The following CEP83 variants were observed in gnomAD, a reference collection of about 807,000 sequenced individuals.
CEP83 encodes centrosomal protein of 83 kDa.
Under a neutral mutation model 101.9 loss-of-function variants are expected in CEP83, and 70 were observed. That is an observed-to-expected ratio of 0.69 (90% CI 0.57 to 0.84). CEP83 has a LOEUF of 0.84. Among genes scored for constraint, CEP83 ranks in the 40% least tolerant of loss-of-function variants. CEP83 has a pLI of 0.00. For missense variants in CEP83, 715 were observed against 787.2 expected (o/e 0.91, Z 1.10); for synonymous variants, 264 against 267.9 (o/e 0.99, Z 0.14).
intron 7 of CEP83, among the ~76,000 whole-genome samples, chr12:94,377,502 T>G (rs142842452): frequency 6.6e-6 from 1 of 152,300 alleles, no homozygotes; most frequent in Admixed American, 6.5e-5. Flanking sequence ...AAGGACTATA[T>G]TCGACAAACA....
chr12:94,389,303 T>C (rs910943471), intron 6 of CEP83, among the ~76,000 whole-genome samples: 1 of 152,212 alleles, frequency 6.6e-6, no homozygotes, highest in Non-Finnish European at 1.5e-5. Flanking sequence ...TAAAAGTATC[T>C]GTATATTTAT....
At chr12:94,318,676 G>T (rs564413162) in intron 14 of CEP83, among the ~76,000 whole-genome samples, 21 of 152,208 alleles carry the variant, frequency 1.4e-4, no homozygotes, top group African/African-American at 4.8e-4. Flanking sequence ...TAACCATGTG[G>T]TTTTTGTCTT....
At chr12:94,425,166 T>C (rs538523319) in intron 2 of CEP83, among the ~76,000 whole-genome samples, 8 of 152,154 alleles carry the variant, frequency 5.3e-5, no homozygotes, top group African/African-American at 1.9e-4. Flanking sequence ...GTTCAACTTT[T>C]ATGTAATAAA....
rs186867653 is a variant in CEP83 at position 94,357,410 on chromosome 12, G to A, written c.1343+10384C>T. Among the ~76,000 whole-genome samples the A allele has an allele frequency of 5.1e-4, 77 of 152,268 alleles. 1 individual carries two copies. The East Asian group carries it at 6.6e-3, about 13-fold the overall frequency. On this transcript the variant is annotated intron_variant, in intron 11 of 16. Transcript: ENST00000397809. The stretch of plus-strand genomic sequence containing the variant: ...ACCAGATAGGGGAAAAAAGAAAACT[G>A]TTGAGCCAGAAATATGTCCAAAATG...
chr12:94,423,619 A>C (rs1294148661), intron 2 of CEP83: 1 of 1,545,276 alleles, frequency 6.5e-7, no homozygotes, highest in African/African-American at 1.4e-5. Flanking sequence ...ACGATGGCTA[A>C]GTGTTAGTCC....
intron 1 of CEP83, among the ~76,000 whole-genome samples, chr12:94,452,144 A>G (rs1487807327): frequency 3.9e-5 from 6 of 152,190 alleles, no homozygotes; most frequent in African/African-American, 1.4e-4. Context: ...AGACAAATTT[A>G]TAGTGATAGA....
At chr12:94,345,616 T>C (rs2059899986) in intron 11 of CEP83, among the ~76,000 whole-genome samples, 2 of 152,146 alleles carry the variant, frequency 1.3e-5, no homozygotes, top group Admixed American at 1.3e-4. Flanking sequence ...CCCATCTTTC[T>C]GTCTTGGAAC....
At chr12:94,427,923 C>T (rs1201304040) in intron 2 of CEP83, among the ~76,000 whole-genome samples, 1 of 152,134 alleles carries the variant, frequency 6.6e-6, no homozygotes, top group Non-Finnish European at 1.5e-5. Context: ...GACGCCCTGC[C>T]AGAACCTGAA....
chr12:94,360,496 A>C (rs1215785055), intron 11 of CEP83, among the ~76,000 whole-genome samples: 1 of 151,986 alleles, frequency 6.6e-6, no homozygotes, highest in Non-Finnish European at 1.5e-5. Flanking sequence ...AAAAGAAAGA[A>C]ATCTTCTTTA....
the CEP83 span, among the ~76,000 whole-genome samples, chr12:94,284,028 A>G: frequency 2.7e-5 from 4 of 147,292 alleles, no homozygotes; most frequent in Admixed American, 7.1e-5. Flanking sequence ...GGTTGCAGTG[A>G]GCTGAGATGG....
intron 2 of CEP83, among the ~76,000 whole-genome samples, chr12:94,419,387 G>T (rs144111740): frequency 4.7e-4 from 71 of 152,120 alleles, no homozygotes; most frequent in Non-Finnish European, 8.5e-4. Context: ...ATATGGACTA[G>T]GTGTATGGAT....
At position 94,333,547 on chromosome 12, in the gene CEP83, C is replaced by T; in HGVS notation, c.1512G>A (p.Glu504=). ...AATTTCGGCATTCTTGTTTTAATCT[C>T]TCCACCATTTCCTTCAGCATTTGGT... The part of the protein sequence containing the change: ...NSNQMLKEMV[E]RLKQECRNFR... The change falls in exon 13 of 17, where the codon GAG becomes GAA. Residue 504 remains glutamate, a synonymous_variant. Coordinates refer to ENST00000397809, the MANE Select transcript of CEP83 (RefSeq NM_016122.3). 6.2e-7 allele frequency: 1 copy of T among 1,613,818 alleles called. No individual in the cohort carries two copies. Among genetic ancestry groups the T allele is most frequent in the Non-Finnish European group, 8.5e-7 (1 of 1,179,826 alleles).
At chr12:94,303,696 T>A, downstream of CEP83, 1 of 717,842 alleles carries the variant, frequency 1.4e-6, no homozygotes, top group Non-Finnish European at 1.9e-6. Flanking sequence ...CCTCCATCTT[T>A]TTTTTTTTTT....
chr12:94,335,955 T>C (rs2059430208), intron 11 of CEP83: 2 of 269,392 alleles, frequency 7.4e-6, no homozygotes, highest in East Asian at 8.6e-5. Flanking sequence ...AGGTAGGATT[T>C]TGATATACAT....
chr12:94,425,022 G>C lies in CEP83; in HGVS notation c.-102+10253C>G, dbSNP rs1326407685. The C allele has an allele frequency of 4.5e-6, 6 of 1,336,270 alleles. No individual in the cohort carries two copies. In the Admixed American group the frequency reaches 7.2e-5, roughly 16 times the overall value. 82.8% of individuals were successfully genotyped at this position (1,336,270 alleles called of 1,614,324 possible). On this transcript the variant is annotated intron_variant, in intron 2 of 16. Coordinates refer to ENST00000397809, the MANE Select transcript of CEP83 (RefSeq NM_016122.3). ...GAGAGAGAGAGAGAGAGAAAGGGAG[G>C]GGGTAAGAAAGACGGGGAGGGAGGG...
chr12:94,376,020 T>C lies in CEP83; in HGVS notation c.802-3A>G, dbSNP rs1357234750. On this transcript the variant is annotated splice_region_variant and splice_polypyrimidine_tract_variant and intron_variant, in intron 7 of 16. Transcript: ENST00000397809. Reference sequence around the variant, plus strand: ...AAATTAGCTGATTGTTTTTCAGCCTTTCATACAAACAAAATAGTTTAAAAT... The same window carrying C: ...AAATTAGCTGATTGTTTTTCAGCCTCTCATACAAACAAAATAGTTTAAAAT... 1 of 1,539,404 alleles carries C rather than the reference T, an allele frequency of 6.5e-7. No homozygotes were observed. The highest frequency in any genetic ancestry group is 8.8e-7 in the Non-Finnish European group (1 of 1,139,804).
intron 11 of CEP83, among the ~76,000 whole-genome samples, chr12:94,362,724 T>C (rs756293118): frequency 1.3e-5 from 2 of 152,222 alleles, no homozygotes; most frequent in African/African-American, 2.4e-5. Flanking sequence ...TATGTCAAAG[T>C]GATATCTGCA....
At chr12:94,351,971 C>A (rs1253998814) in intron 11 of CEP83, among the ~76,000 whole-genome samples, 5 of 152,190 alleles carry the variant, frequency 3.3e-5, no homozygotes, top group Non-Finnish European at 7.3e-5. Context: ...ATGGAGACTA[C>A]ATTACTGTAC....
At chr12:94,316,436 G>A (rs1476199453) in intron 14 of CEP83, among the ~76,000 whole-genome samples, 1 of 128,368 alleles carries the variant, frequency 7.8e-6, no homozygotes, top group Non-Finnish European at 1.7e-5. Flanking sequence ...TACTCTTTAT[G>A]TCCATTTCTT....
Sources: allele counts gnomAD v4.1 joint callset (sites outside exome capture counted in the v4.1 genomes callset), GRCh38; gene constraint gnomAD v4.1.1; transcripts MANE v1.5; gene names NCBI Gene and HGNC (gene_info 2026-07-23, HGNC 2026-07-21).